Variants in RPS6KC1 observed in about 807,000 individuals in gnomAD.
The protein encoded by RPS6KC1 is ribosomal protein S6 kinase C1, also known as inactive ribosomal protein S6 kinase delta-1.
RPS6KC1 carries 54 observed loss-of-function variants against 103.8 expected under a neutral mutation model. That is an observed-to-expected ratio of 0.52 (90% CI 0.42 to 0.65). The LOEUF is 0.65. Ranked by LOEUF, RPS6KC1 falls within the 30% of genes least tolerant of loss-of-function variation. The pLI is 0.00. For synonymous variants in RPS6KC1, 439 were observed against 438.7 expected (o/e 1.00, Z -0.01); for missense variants, 1,151 against 1,253.8 (o/e 0.92, Z 1.24).
At chr1:213,505,925 G>C in the RPS6KC1 span, among the ~76,000 whole-genome samples, 1 of 152,068 alleles carries the variant, frequency 6.6e-6, no homozygotes, top group Admixed American at 6.6e-5. Flanking sequence ...TAAAGGGAGA[G>C]AGAGTGAGAG....
the RPS6KC1 span, among the ~76,000 whole-genome samples, chr1:213,515,746 GT>G: frequency 6.6e-5 from 10 of 152,284 alleles, no homozygotes; most frequent in Middle Eastern, 6.8e-3. Flanking sequence ...CTTTAAAGTA[GT>G]TTTTTTCAAT....
Position 213,242,689 on chromosome 1 carries a change from G to A in RPS6KC1, c.2911+31G>A, listed in dbSNP as rs765363990. On this transcript the variant is annotated intron_variant, in intron 12 of 14. Coordinates refer to ENST00000366960, the MANE Select transcript of RPS6KC1 (RefSeq NM_012424.6). ...AGCAATCTCCTAAAATGTTTCACTT[G>A]AAAAAGTGGTTCGGCAGCTCTCATT... 5.9e-5 allele frequency: 89 copies of A among 1,516,288 alleles called. 1 individual carries two copies. The South Asian group carries it at 6.7e-4, about 11-fold the overall frequency. 93.9% of individuals were successfully genotyped at this position (1,516,288 alleles called of 1,614,324 possible).
the RPS6KC1 span, among the ~76,000 whole-genome samples, chr1:213,614,622 T>C: frequency 6.6e-6 from 1 of 152,180 alleles, no homozygotes; most frequent in Non-Finnish European, 1.5e-5. Flanking sequence ...AGAAATCACT[T>C]CTTTATTTCT....
chr1:213,175,112 A>T (rs2091778779), intron 7 of RPS6KC1, among the ~76,000 whole-genome samples: 1 of 152,364 alleles, frequency 6.6e-6, no homozygotes, highest in East Asian at 1.9e-4. Context: ...TAGTTTTCCC[A>T]GTTGTAAATG....
chr1:213,646,861 T>TTA, the RPS6KC1 span, among the ~76,000 whole-genome samples: 20 of 143,848 alleles, frequency 1.4e-4, no homozygotes, highest in African/African-American at 3.4e-4. Flanking sequence ...TTGCATCCTA[T>TTA]TATATATATA....
chr1:213,384,676 C>T, the RPS6KC1 span, among the ~76,000 whole-genome samples: 2 of 152,158 alleles, frequency 1.3e-5, no homozygotes, highest in Admixed American at 6.5e-5. Flanking sequence ...TTTCCCTCCC[C>T]CAGGAGGCCA....
chr1:213,259,651 AT>A (rs1374466210), intron 12 of RPS6KC1, among the ~76,000 whole-genome samples: 5 of 152,010 alleles, frequency 3.3e-5, no homozygotes, highest in Non-Finnish European at 7.4e-5. Flanking sequence ...TACTTTTAAA[AT>A]TAGAATTGTA....
At chr1:213,707,804 T>G in the RPS6KC1 span, among the ~76,000 whole-genome samples, 2 of 152,260 alleles carry the variant, frequency 1.3e-5, no homozygotes, top group Admixed American at 6.5e-5. Context: ...AGGGAATCCT[T>G]TCCCCATTAC....
chr1:213,102,591 T>C (rs2082111389), intron 3 of RPS6KC1, among the ~76,000 whole-genome samples: 1 of 152,170 alleles, frequency 6.6e-6, no homozygotes. Context: ...ATTTTTTTTT[T>C]CCTGGGCTGT....
At chr1:213,735,971 G>A in the RPS6KC1 span, among the ~76,000 whole-genome samples, 4 of 152,204 alleles carry the variant, frequency 2.6e-5, no homozygotes, top group East Asian at 3.9e-4. Context: ...AGGTGGCCCC[G>A]ATGCAGAGAA....
intron 6 of RPS6KC1, among the ~76,000 whole-genome samples, chr1:213,152,605 C>T (rs1456394937): frequency 2.7e-4 from 39 of 142,406 alleles, no homozygotes; most frequent in Non-Finnish European, 4.3e-4. Context: ...CCAGACGGGG[C>T]GGCGGGGCAG....
chr1:213,247,177 A>G (rs574928635), intron 12 of RPS6KC1, among the ~76,000 whole-genome samples: 1 of 152,308 alleles, frequency 6.6e-6, no homozygotes, highest in African/African-American at 2.4e-5. Flanking sequence ...AAGAAGTCCA[A>G]AATGCTTTTC....
At chr1:213,791,819 T>C in the RPS6KC1 span, among the ~76,000 whole-genome samples, 2 of 152,182 alleles carry the variant, frequency 1.3e-5, no homozygotes, top group African/African-American at 2.4e-5. Context: ...GGTTACCTAA[T>C]GAATGATGTT....
chr1:213,802,248 A>T, the RPS6KC1 span, among the ~76,000 whole-genome samples: 1 of 152,228 alleles, frequency 6.6e-6, no homozygotes, highest in Non-Finnish European at 1.5e-5. Flanking sequence ...TCAAGGAAAC[A>T]CACTCAACTG....
chr1:213,789,086 T>A, the RPS6KC1 span, among the ~76,000 whole-genome samples: 1 of 152,098 alleles, frequency 6.6e-6, no homozygotes, highest in Non-Finnish European at 1.5e-5. Flanking sequence ...GAAGGAGCCA[T>A]GAGAAGTCAG....
the RPS6KC1 span, among the ~76,000 whole-genome samples, chr1:213,363,604 C>CTTGCTT: frequency 2.3e-5 from 2 of 85,132 alleles, no homozygotes; most frequent in African/African-American, 1.3e-4. Flanking sequence ...CTTGCTCGCT[C>CTTGCTT]GCTTGCTTGC....
chr1:213,115,695 C>G (rs552893370), intron 4 of RPS6KC1, among the ~76,000 whole-genome samples: 1 of 152,114 alleles, frequency 6.6e-6, no homozygotes, highest in Non-Finnish European at 1.5e-5. Flanking sequence ...GCATTTAGTG[C>G]TATAAATTTC....
chr1:213,592,387 A>C, the RPS6KC1 span, among the ~76,000 whole-genome samples: 1 of 152,220 alleles, frequency 6.6e-6, no homozygotes, highest in Non-Finnish European at 1.5e-5. Flanking sequence ...CAGTTTTAAT[A>C]ATTTAAAAAT....
chr1:213,683,421 CCT>C, the RPS6KC1 span, among the ~76,000 whole-genome samples: 1 of 152,236 alleles, frequency 6.6e-6, no homozygotes, highest in African/African-American at 2.4e-5. Flanking sequence ...ACCTACCAAC[CCT>C]CTGTTATGAG....
Sources: allele counts gnomAD v4.1 joint callset (sites outside exome capture counted in the v4.1 genomes callset), GRCh38; gene constraint gnomAD v4.1.1; transcripts MANE v1.5; gene names NCBI Gene and HGNC (gene_info 2026-07-23, HGNC 2026-07-21).